The following MTREX variants were observed in gnomAD, a reference collection of about 807,000 sequenced individuals.
MTREX encodes exosome RNA helicase MTR4.
MTREX carries 76 observed loss-of-function variants against 135.4 expected under a neutral mutation model. The ratio of observed to expected loss-of-function variants is 0.56; its 90% CI spans 0.47 to 0.68. The LOEUF is 0.68. Ranked by LOEUF, MTREX falls within the 30% of genes least tolerant of loss-of-function variation. The pLI is 0.00. For synonymous variants in MTREX, 404 were observed against 401.6 expected, an observed-to-expected ratio of 1.01 and a Z score of -0.07; for missense variants, 920 against 1,262.1, an observed-to-expected ratio of 0.73 and a Z score of 4.11.
At chr5:55,308,289 A>T in intron 1 of MTREX, 142 bp downstream of exon 1, 1 of 976,514 alleles carries the variant, frequency 1.0e-6, no homozygotes, top group Non-Finnish European at 1.4e-6. Context: ...AAAAAGTTGG[A>T]GAGGGTGGAA....
At chr5:55,410,464 A>C in intron 22 of MTREX, 60 bp from the exon 23 acceptor site, 1 of 883,730 alleles carries the variant, frequency 1.1e-6, no homozygotes, top group Non-Finnish European at 1.8e-6. Context: ...TTAAGGGCAT[A>C]TGTGTGTGCA....
chr5:55,374,784 A>G (rs948578867), intron 16 of MTREX, among the ~76,000 whole-genome samples: 13 of 152,366 alleles, frequency 8.5e-5, no homozygotes, highest in African/African-American at 3.1e-4. Flanking sequence ...GATGAATTGT[A>G]CCTTCATCCC....
At chr5:55,329,705 T>C (rs1051034698) in intron 5 of MTREX, among the ~76,000 whole-genome samples, 53 of 152,234 alleles carry the variant, frequency 3.5e-4, no homozygotes, top group Admixed American at 3.3e-3. Context: ...TAAGACTGCC[T>C]TTTGACTTGC....
intron 25 of MTREX, among the ~76,000 whole-genome samples, chr5:55,422,462 C>T (rs1475783582): frequency 6.6e-6 from 1 of 152,130 alleles, no homozygotes; most frequent in East Asian, 1.9e-4. Context: ...CCTCACTAGG[C>T]CACACTCAGG....
chr5:55,394,758 C>T (rs780229169), intron 19 of MTREX, among the ~76,000 whole-genome samples: 6 of 152,018 alleles, frequency 3.9e-5, no homozygotes, highest in Non-Finnish European at 5.9e-5. Context: ...AAGGGCCGGG[C>T]GTGGTGGCTC....
intron 1 of MTREX, among the ~76,000 whole-genome samples, chr5:55,315,668 T>G (rs1039121869): frequency 6.6e-6 from 1 of 152,166 alleles, no homozygotes; most frequent in Non-Finnish European, 1.5e-5. Flanking sequence ...TATGTGTACT[T>G]CATACAAATC....
intron 22 of MTREX, among the ~76,000 whole-genome samples, chr5:55,410,307 G>T (rs1750866299): frequency 6.6e-6 from 1 of 152,010 alleles, no homozygotes; most frequent in Non-Finnish European, 1.5e-5. Context: ...TTGATATTTG[G>T]AATCTTTATG....
In MTREX at chr5:55,341,629, T is replaced by A. The variant is rs944928229; in HGVS notation, c.691-52T>A. ...GGAAAAAACAACTTTTCTCTAACTATTAGCTGTTATGTCAGAATCCAACTA... is the reference window on the plus strand; with the variant it reads ...GGAAAAAACAACTTTTCTCTAACTAATAGCTGTTATGTCAGAATCCAACTA... On this transcript the variant is annotated intron_variant, in intron 6 of 26. Coordinates refer to ENST00000230640, the MANE Select transcript of MTREX (RefSeq NM_015360.5). 5.4e-6 allele frequency: 5 copies of A among 929,840 alleles called. No homozygotes were observed. The African/African-American group carries it at 8.4e-5, about 16-fold the overall frequency. 57.6% of individuals were successfully genotyped at this position (929,840 alleles called of 1,614,324 possible).
chr5:55,373,675 G>T (rs910242051), intron 16 of MTREX, among the ~76,000 whole-genome samples: 1 of 151,726 alleles, frequency 6.6e-6, no homozygotes, highest in East Asian at 1.9e-4. Context: ...ATTTCAATTT[G>T]TTAAATTTTT....
At chr5:55,370,486 G>A (rs1209356137) in intron 16 of MTREX, among the ~76,000 whole-genome samples, 2 of 152,138 alleles carry the variant, frequency 1.3e-5, no homozygotes, top group African/African-American at 4.8e-5. Flanking sequence ...TTGCTCACTG[G>A]CATTGCCTCT....
rs184652225 is a variant in MTREX, at chr5:55,424,971, A to G, written c.*199A>G. 1.7e-4 allele frequency: 111 copies of G among 646,374 alleles called. No individual in the cohort carries two copies. In the African/African-American group the frequency reaches 1.9e-3, roughly 11 times the overall value. The allele number at this position is 646,374 out of a possible 1,614,324, so 40.0% of individuals were successfully genotyped here. On this transcript the variant is annotated 3_prime_UTR_variant, in exon 27 of 27. Transcript: ENST00000230640. ...ACATTTTTTTAATAAAAATGTATAC[A>G]GGTGGGGCACTGTTTTGGTGGAAGG...
At chr5:55,400,162 A>C (rs1052232372) in intron 20 of MTREX, 71 bp from the exon 21 acceptor site, 3 of 1,176,706 alleles carry the variant, frequency 2.5e-6, no homozygotes, top group Non-Finnish European at 3.5e-6. Context: ...AAAAAAAGGG[A>C]AACACTGATT....
chr5:55,354,429 A>T (rs1749877846), intron 14 of MTREX, among the ~76,000 whole-genome samples: 1 of 152,222 alleles, frequency 6.6e-6, no homozygotes, highest in South Asian at 2.1e-4. Context: ...TGGGGAAAAT[A>T]GTCCTTTATT....
chr5:55,314,320 G>A (rs1037721549), intron 1 of MTREX, among the ~76,000 whole-genome samples: 2 of 152,212 alleles, frequency 1.3e-5, no homozygotes, highest in Admixed American at 1.3e-4. Flanking sequence ...GTTTGAAATT[G>A]TTAGGTTACT....
chr5:55,397,952 G>A (rs1200340250), intron 20 of MTREX, among the ~76,000 whole-genome samples: 1 of 152,108 alleles, frequency 6.6e-6, no homozygotes, highest in Non-Finnish European at 1.5e-5. Context: ...AAGGTGCAGT[G>A]GTTCATGCCT....
At chr5:55,347,911 A>T (rs1016987221) in intron 11 of MTREX, among the ~76,000 whole-genome samples, 5 of 152,126 alleles carry the variant, frequency 3.3e-5, no homozygotes, top group Non-Finnish European at 7.4e-5. Context: ...CTTGTGCAGG[A>T]AAACTCCCAT....
At chr5:55,365,030 T>TA (rs1750078420) in intron 15 of MTREX, among the ~76,000 whole-genome samples, 1 of 152,198 alleles carries the variant, frequency 6.6e-6, no homozygotes. Flanking sequence ...ATGCTGGGCT[T>TA]ACTTGGGTAG....
intron 19 of MTREX, among the ~76,000 whole-genome samples, chr5:55,393,412 CTG>C (rs1284379695): frequency 6.6e-6 from 1 of 152,166 alleles, no homozygotes; most frequent in African/African-American, 2.4e-5. Flanking sequence ...GTTAAAATAA[CTG>C]TGTGTGCCAT....
At position 55,308,841 on chromosome 5, in the gene MTREX, A is replaced by G. The variant is rs151330118; in HGVS notation, c.134+694A>G. ...GAAAAGCTATTACTTGTATTAAATA[A>G]AGTAAGATGATTAATTAACAATCAA... On this transcript the variant is annotated intron_variant, in intron 1 of 26. Coordinates refer to ENST00000230640, the MANE Select transcript of MTREX (RefSeq NM_015360.5). 1.5e-4 allele frequency among the ~76,000 whole-genome samples: 23 copies of G among 152,324 alleles called. No individual in the cohort carries two copies. In the East Asian group the frequency reaches 4.1e-3, roughly 27 times the overall value.
Sources: gnomAD v4.1 joint callset for allele counts (sites outside exome capture counted in the v4.1 genomes callset) on GRCh38, gnomAD v4.1.1 for gene constraint, MANE v1.5 for transcripts, NCBI Gene and HGNC (gene_info 2026-07-23, HGNC 2026-07-21) for gene names.